The following ATP6V1H variants were observed in gnomAD, a reference collection of about 807,000 sequenced individuals.
The protein encoded by ATP6V1H is ATPase H+ transporting V1 subunit H.
In ATP6V1H, 39 loss-of-function variants were observed where a neutral mutation model predicts 71.7. The observed-to-expected ratio is 0.54, with a 90% CI of 0.42 to 0.71. ATP6V1H has a LOEUF of 0.71. Among genes scored for constraint, ATP6V1H ranks in the 30% least tolerant of loss-of-function variants. The pLI, the probability that ATP6V1H is intolerant of heterozygous loss-of-function variation, is 0.00. For missense variants in ATP6V1H, 509 were observed against 594.9 expected, an observed-to-expected ratio of 0.86 and a Z score of 1.50; for synonymous variants, 192 against 199.3, an observed-to-expected ratio of 0.96 and a Z score of 0.31.
chr8:53,770,249 G>C (rs550324564), intron 10 of ATP6V1H, among the ~76,000 whole-genome samples: 2 of 152,170 alleles, frequency 1.3e-5, no homozygotes, highest in South Asian at 4.1e-4. Flanking sequence ...TGATTACAAA[G>C]AGTGTAGACA....
intron 13 of ATP6V1H, among the ~76,000 whole-genome samples, chr8:53,731,895 T>C (rs1347821576): frequency 6.6e-6 from 1 of 152,256 alleles, no homozygotes; most frequent in East Asian, 1.9e-4. Flanking sequence ...TAGGCATTTG[T>C]CCTGGTGGAA....
chr8:53,757,708 T>A (rs1808122974), intron 11 of ATP6V1H, among the ~76,000 whole-genome samples: 1 of 152,076 alleles, frequency 6.6e-6, no homozygotes, highest in Non-Finnish European at 1.5e-5. Flanking sequence ...GACACAATAT[T>A]CAGTTTTCAG....
intron 13 of ATP6V1H, among the ~76,000 whole-genome samples, chr8:53,731,380 C>G (rs1807017327): frequency 6.6e-6 from 1 of 152,222 alleles, no homozygotes; most frequent in South Asian, 2.1e-4. Context: ...AATAGTCAGA[C>G]AGCCCAGCGC....
intron 9 of ATP6V1H, among the ~76,000 whole-genome samples, chr8:53,782,835 A>G (rs201916171): frequency 9.9e-5 from 15 of 151,898 alleles, no homozygotes; most frequent in African/African-American, 2.9e-4. Flanking sequence ...TTTATATGCT[A>G]GATTACGTTT....
At chr8:53,726,808 G>A (rs1806827485) in intron 13 of ATP6V1H, among the ~76,000 whole-genome samples, 1 of 151,948 alleles carries the variant, frequency 6.6e-6, no homozygotes, top group South Asian at 2.1e-4. Context: ...GCTATCTGTG[G>A]CACACAAGAT....
At chr8:53,765,056 G>C (rs1808402663) in intron 11 of ATP6V1H, among the ~76,000 whole-genome samples, 1 of 152,072 alleles carries the variant, frequency 6.6e-6, no homozygotes, top group Non-Finnish European at 1.5e-5. Context: ...AGTTAGCTAT[G>C]ATCGCACCAC....
chr8:53,751,245 T>C (rs1302753359), intron 12 of ATP6V1H, among the ~76,000 whole-genome samples: 1 of 152,194 alleles, frequency 6.6e-6, no homozygotes, highest in African/African-American at 2.4e-5. Context: ...AGTCCACATA[T>C]AATCTGAATA....
intron 3 of ATP6V1H, chr8:53,832,106 T>C (rs929416198): frequency 1.3e-5 from 2 of 152,172 alleles, no homozygotes; most frequent in African/African-American, 4.8e-5. Context: ...GAAATATCTT[T>C]ACAGGCATAG....
intron 4 of ATP6V1H, among the ~76,000 whole-genome samples, chr8:53,828,561 G>A (rs1810896532): frequency 1.3e-5 from 2 of 152,058 alleles, no homozygotes; most frequent in South Asian, 4.1e-4. Context: ...TGTTTTACAT[G>A]AAAAAGTGCT....
chr8:53,777,480 C>T lies in ATP6V1H; in HGVS notation c.871-5313G>A, dbSNP rs192388274. Among the ~76,000 whole-genome samples the T allele has an allele frequency of 2.6e-3, 386 of 149,576 alleles. 5 individuals are homozygous for T. Among genetic ancestry groups the T allele is most frequent in the African/African-American group, 9.1e-3 (372 of 40,672 alleles). On this transcript the variant is annotated intron_variant, in intron 9 of 13. Coordinates refer to ENST00000359530, the MANE Select transcript of ATP6V1H (RefSeq NM_015941.4). ...AAGTGGAACGATATCTTGAAAGTAC[C>T]GAAAGAAAAAAAAAACAGAACTATA...
intron 13 of ATP6V1H, among the ~76,000 whole-genome samples, chr8:53,741,415 A>T (rs1360013955): frequency 6.6e-6 from 1 of 152,230 alleles, no homozygotes; most frequent in South Asian, 2.1e-4. Flanking sequence ...TAATAAAATA[A>T]TAACTGTATT....
At chr8:53,833,315 G>T (rs553007671) in intron 2 of ATP6V1H, 2 of 478,574 alleles carry the variant, frequency 4.2e-6, no homozygotes, top group Non-Finnish European at 7.5e-6. Context: ...AACAATAATC[G>T]CATTGCCTCT....
At chr8:53,755,177 T>G (rs1431674485) in intron 12 of ATP6V1H, among the ~76,000 whole-genome samples, 2 of 152,114 alleles carry the variant, frequency 1.3e-5, no homozygotes, top group Non-Finnish European at 2.9e-5. Flanking sequence ...CTAGAGGCAG[T>G]TCACTGGAAA....
chr8:53,827,364 C>G (rs998098262), intron 4 of ATP6V1H, among the ~76,000 whole-genome samples: 6 of 151,784 alleles, frequency 4.0e-5, no homozygotes, highest in African/African-American at 1.5e-4. Flanking sequence ...GCATGGGTAA[C>G]AGAGCAAGAT....
In ATP6V1H at chr8:53,740,759, C is replaced by T. The variant is rs1184412059; in HGVS notation, c.1391+2818G>A. ...ACCTGAAAAAAGGTATTGATCCAAA[C>T]TTCTTTTACATTTGGGGATATACTT... On this transcript the variant is annotated intron_variant, in intron 13 of 13. Coordinates refer to ENST00000359530, the MANE Select transcript of ATP6V1H (RefSeq NM_015941.4). 3.9e-5 allele frequency among the ~76,000 whole-genome samples: 6 copies of T among 152,294 alleles called. No homozygotes were observed. In the East Asian group the frequency reaches 1.2e-3, roughly 29 times the overall value.
In ATP6V1H at chr8:53,743,699, G is replaced by A. The variant is rs764310006; in HGVS notation, c.1278-9C>T. 1.5e-5 allele frequency: 24 copies of A among 1,592,448 alleles called. No homozygotes were observed. Among genetic ancestry groups the A allele is most frequent in the Admixed American group, 3.4e-5 (2 of 58,988 alleles). On this transcript the variant is annotated splice_polypyrimidine_tract_variant and intron_variant, in intron 12 of 13. Transcript: ENST00000359530. ...CGAGCTGCTCGATGACCCTGCAAAC[G>A]GGAGAGACGTGGTGAGGAAGATGCA...
intron 4 of ATP6V1H, among the ~76,000 whole-genome samples, chr8:53,825,788 T>C (rs1232820838): frequency 1.3e-5 from 2 of 152,060 alleles, no homozygotes; most frequent in Non-Finnish European, 2.9e-5. Context: ...AAGATGAAAC[T>C]ATACAAGCAC....
chr8:53,758,462 G>A (rs1281518711), intron 11 of ATP6V1H, among the ~76,000 whole-genome samples: 2 of 152,124 alleles, frequency 1.3e-5, no homozygotes, highest in Admixed American at 6.5e-5. Context: ...CATTACCCTC[G>A]TGTTCCTGGA....
chr8:53,811,290 A>G (rs1810266870), intron 6 of ATP6V1H, 73 bp from the exon 7 acceptor site: 2 of 1,317,362 alleles, frequency 1.5e-6, no homozygotes, highest in Admixed American at 3.6e-5. Context: ...TACAAAAGGG[A>G]GCTAAGCAAA....
Sources: gnomAD v4.1 joint callset for allele counts (sites outside exome capture counted in the v4.1 genomes callset) on GRCh38, gnomAD v4.1.1 for gene constraint, MANE v1.5 for transcripts, NCBI Gene and HGNC (gene_info 2026-07-23, HGNC 2026-07-21) for gene names.